NELL1: variants seen among roughly 807,000 people sequenced by gnomAD.
NELL1 encodes neural EGFL like 1.
In NELL1, 76 loss-of-function variants were observed where a neutral mutation model predicts 107.4. The observed-to-expected ratio is 0.71, with a 90% CI of 0.59 to 0.86. NELL1 has a LOEUF of 0.86. Among genes scored for constraint, NELL1 ranks in the 40% least tolerant of loss-of-function variants. The probability of loss-of-function intolerance (pLI) is 0.00; values close to 1 mark genes in which losing one functional copy is unlikely to be tolerated. For synonymous variants in NELL1, 353 were observed against 341.2 expected, an observed-to-expected ratio of 1.03 and a Z score of -0.38; for missense variants, 1,024 against 1,005.5, an observed-to-expected ratio of 1.02 and a Z score of -0.25.
At chr11:21,419,814 G>T (rs139767093) in intron 15 of NELL1, among the ~76,000 whole-genome samples, 98 of 152,228 alleles carry the variant, frequency 6.4e-4, no homozygotes, top group African/African-American at 2.3e-3. Flanking sequence ...CGGTTTAGGA[G>T]AAATTTGTCT....
intron 14 of NELL1, among the ~76,000 whole-genome samples, chr11:21,366,212 A>G (rs936157770): frequency 6.6e-6 from 1 of 152,180 alleles, no homozygotes; most frequent in South Asian, 2.1e-4. Flanking sequence ...GGCTTGATAA[A>G]AATGAACACA....
intron 12 of NELL1, among the ~76,000 whole-genome samples, chr11:20,992,681 G>A (rs886357188): frequency 4.7e-5 from 7 of 150,022 alleles, no homozygotes; most frequent in Non-Finnish European, 1.0e-4. Context: ...GGATTGGAAT[G>A]ACTGCTACTT....
intron 2 of NELL1, among the ~76,000 whole-genome samples, chr11:20,744,231 G>C (rs80349886): frequency 0.042 from 6,321 of 152,242 alleles, 432 homozygotes; most frequent in African/African-American, 0.14. Flanking sequence ...GCTGAAAACT[G>C]TCCAGTGACT....
At chr11:20,786,871 G>A (rs1221168886) in intron 3 of NELL1, among the ~76,000 whole-genome samples, 6 of 151,806 alleles carry the variant, frequency 4.0e-5, no homozygotes, top group Non-Finnish European at 7.4e-5. Context: ...AGCCGGGCAT[G>A]GTGGCGGGCG....
intron 2 of NELL1, among the ~76,000 whole-genome samples, chr11:20,760,222 A>C (rs1460036049): frequency 6.6e-6 from 1 of 152,212 alleles, no homozygotes; most frequent in Non-Finnish European, 1.5e-5. Flanking sequence ...GATTGACACT[A>C]GATTGGAGAA....
intron 15 of NELL1, among the ~76,000 whole-genome samples, chr11:21,516,760 CAG>C (rs1364922716): frequency 0.02 from 2,318 of 118,088 alleles, 58 homozygotes; most frequent in Admixed American, 0.09. Flanking sequence ...CACACACACA[CAG>C]ACACACACAC....
intron 13 of NELL1, among the ~76,000 whole-genome samples, chr11:21,193,728 T>G (rs1477998477): frequency 1.3e-5 from 2 of 151,942 alleles, no homozygotes; most frequent in Non-Finnish European, 2.9e-5. Flanking sequence ...TTTGATGTTC[T>G]TGATTTTTCC....
In NELL1 at chr11:21,015,057, C is replaced by A. The variant is rs141841853; in HGVS notation, c.1300+54497C>A. Among the ~76,000 whole-genome samples, 456 of 152,174 alleles carry A rather than the reference C, an allele frequency of 3.0e-3. 3 individuals are homozygous for A. Among genetic ancestry groups the A allele is most frequent in the African/African-American group, 0.01 (425 of 41,530 alleles). On this transcript the variant is annotated intron_variant, in intron 12 of 19. Coordinates refer to ENST00000357134, the MANE Select transcript of NELL1 (RefSeq NM_006157.5). ...ATTTTTTTAGATCTCTGGATCTTTT[C>A]TTGTCATGTCAATTCTCTTTTTCTT...
chr11:21,435,372 T>G (rs554548447), intron 15 of NELL1, among the ~76,000 whole-genome samples: 1 of 151,712 alleles, frequency 6.6e-6, no homozygotes, highest in Non-Finnish European at 1.5e-5. Context: ...CAGTAGCACT[T>G]TGTTGAGTTT....
chr11:21,126,409 A>G (rs1855487305), intron 13 of NELL1, among the ~76,000 whole-genome samples: 1 of 152,244 alleles, frequency 6.6e-6, no homozygotes, highest in Admixed American at 6.5e-5. Context: ...TCAGCAAGCA[A>G]TAGCCATTGT....
At chr11:20,709,637 G>A (rs1280145345) in intron 2 of NELL1, among the ~76,000 whole-genome samples, 3 of 152,040 alleles carry the variant, frequency 2.0e-5, no homozygotes, top group Non-Finnish European at 1.5e-5. Flanking sequence ...TGGCACTAAG[G>A]TCATTTTCAC....
chr11:21,218,911 C>T (rs531970921), intron 13 of NELL1, among the ~76,000 whole-genome samples: 12 of 152,200 alleles, frequency 7.9e-5, no homozygotes, highest in African/African-American at 2.2e-4. Flanking sequence ...AGGTTGATTC[C>T]GTATGTTGGC....
intron 2 of NELL1, among the ~76,000 whole-genome samples, chr11:20,681,857 C>T (rs1200346452): frequency 6.6e-6 from 1 of 152,028 alleles, no homozygotes; most frequent in African/African-American, 2.4e-5. Context: ...ATGGCTGCAT[C>T]AGTCCAAGGT....
intron 4 of NELL1, among the ~76,000 whole-genome samples, chr11:20,870,001 G>A (rs552954901): frequency 6.6e-6 from 1 of 152,236 alleles, no homozygotes; most frequent in Admixed American, 6.5e-5. Flanking sequence ...TGGATCAATG[G>A]AAAGATGTGG....
chr11:20,884,813 T>C (rs961339965), intron 4 of NELL1, among the ~76,000 whole-genome samples: 2 of 152,216 alleles, frequency 1.3e-5, no homozygotes, highest in South Asian at 2.1e-4. Context: ...TCTTGCTCTA[T>C]TTTCTGTTGC....
intron 12 of NELL1, among the ~76,000 whole-genome samples, chr11:21,004,506 T>A (rs1464302411): frequency 4.6e-5 from 7 of 152,058 alleles, no homozygotes; most frequent in African/African-American, 1.7e-4. Flanking sequence ...TAATGAGAAA[T>A]TGAGTTTTCC....
At chr11:20,810,612 G>T (rs1219179883) in intron 3 of NELL1, among the ~76,000 whole-genome samples, 1 of 152,086 alleles carries the variant, frequency 6.6e-6, no homozygotes. Context: ...TTATCCATTT[G>T]TTGATTGATG....
At chr11:21,058,629 G>A (rs1466710860) in intron 12 of NELL1, among the ~76,000 whole-genome samples, 3 of 152,124 alleles carry the variant, frequency 2.0e-5, no homozygotes, top group Non-Finnish European at 2.9e-5. Context: ...AAAGAAGGGT[G>A]ATCTTCTAGA....
At chr11:21,203,820 G>A (rs376431396) in intron 13 of NELL1, among the ~76,000 whole-genome samples, 161 of 152,200 alleles carry the variant, frequency 1.1e-3, no homozygotes, top group African/African-American at 3.8e-3. Context: ...GACAAAATCT[G>A]TCAGCATTTG....
Sources: gnomAD v4.1 joint callset for allele counts (sites outside exome capture counted in the v4.1 genomes callset) on GRCh38, gnomAD v4.1.1 for gene constraint, MANE v1.5 for transcripts, NCBI Gene and HGNC (gene_info 2026-07-23, HGNC 2026-07-21) for gene names.